TTI1: variants seen among roughly 807,000 people sequenced by gnomAD.
TTI1 encodes TELO2-interacting protein 1 homolog.
Under a neutral mutation model 85.4 loss-of-function variants are expected in TTI1, and 52 were observed. That is an observed-to-expected ratio of 0.61 (90% CI 0.49 to 0.77). TTI1 has a LOEUF of 0.77. Among genes scored for constraint, TTI1 ranks in the 30% least tolerant of loss-of-function variants. The pLI is 0.00. For missense variants in TTI1, 1,173 were observed against 1,296.0 expected (o/e 0.91, Z 1.46); for synonymous variants, 512 against 503.9 (o/e 1.02, Z -0.22).
chr20:37,987,442 A>G (rs1463127976), intron 7 of TTI1: 4 of 425,024 alleles, frequency 9.4e-6, no homozygotes, highest in Non-Finnish European at 1.9e-5. Flanking sequence ...TTCAAACCCA[A>G]AGAGAAACAC....
At position 38,016,107 on chromosome 20, in the gene TTI1, G is replaced by C. The variant is rs147319249; in HGVS notation, c.-41-2250C>G. On this transcript the variant is annotated intron_variant, in intron 1 of 7. Coordinates refer to ENST00000373447, the MANE Select transcript of TTI1 (RefSeq NM_001303457.2). ...TGGCAACAATGGATGCTAGAAGACA[G>C]TGGAATAGCACCTACTTACTGCAAA... Among the ~76,000 whole-genome samples, 670 of 152,328 alleles carry C rather than the reference G, an allele frequency of 4.4e-3. 4 individuals carry two copies. The highest frequency in any genetic ancestry group is 0.015 in the African/African-American group (619 of 41,566).
chr20:37,996,259 T>C, intron 7 of TTI1, 116 bp downstream of exon 7: 2 of 1,075,226 alleles, frequency 1.9e-6, no homozygotes, highest in South Asian at 2.8e-5. Flanking sequence ...AGAATTATCT[T>C]AACCTGGCAG....
rs2073471657 is a variant in TTI1, at chr20:38,004,598, TTGA to T, written c.2503+1596_2503+1598del. 2.0e-5 allele frequency among the ~76,000 whole-genome samples: 3 copies of T among 152,238 alleles called. No homozygotes were observed. In the South Asian group the frequency reaches 6.2e-4, roughly 32 times the overall value. On this transcript the variant is annotated intron_variant, in intron 3 of 7. Coordinates refer to ENST00000373447, the MANE Select transcript of TTI1 (RefSeq NM_001303457.2). ...AGAATGCCAAGTGTGTGGTGTGTAC[TTGA>T]TGAATGATAAGCATGATAGGCCTGT...
At chr20:38,024,292 CAT>C (rs1188175671) in intron 1 of TTI1, among the ~76,000 whole-genome samples, 2 of 152,032 alleles carry the variant, frequency 1.3e-5, no homozygotes, top group South Asian at 2.1e-4. Context: ...CACACACACA[CAT>C]GAATACAAAT....
At chr20:38,021,747 C>T (rs561308492) in intron 1 of TTI1, among the ~76,000 whole-genome samples, 1 of 152,300 alleles carries the variant, frequency 6.6e-6, no homozygotes, top group African/African-American at 2.4e-5. Flanking sequence ...AATGAACTCA[C>T]TGCCCCCGGC....
rs997493451 is a variant in TTI1 at position 38,011,517 on chromosome 20, A to C, written c.2300T>G (p.Leu767Ter). 2.5e-6 allele frequency: 4 copies of C among 1,613,830 alleles called. No homozygotes were observed. The highest frequency in any genetic ancestry group is 1.6e-4 in the Middle Eastern group (1 of 6,078). ...ATTAAAAAGGGCTCTCAATGTACCT[A>C]ATGCTGCCATCAGAGCATGCAGAAC... Reference protein sequence around the residue: ...VSVLHALMAALAQWFPDTGNL... With the variant: ...VSVLHALMAA Residue 767 changes from leucine (L) to a stop codon, truncating the protein, a stop_gained and splice_region_variant, in exon 2 of 8, where the codon TTA becomes TGA. Coordinates refer to ENST00000373447, the MANE Select transcript of TTI1 (RefSeq NM_001303457.2). LOFTEE classifies it high-confidence loss of function.
chr20:37,984,903 T>C (rs989982107), intron 7 of TTI1, among the ~76,000 whole-genome samples: 25 of 152,184 alleles, frequency 1.6e-4, no homozygotes, highest in African/African-American at 5.3e-4. Flanking sequence ...TCCCCTGCAA[T>C]GTGTCCATGT....
intron 1 of TTI1, among the ~76,000 whole-genome samples, chr20:38,028,167 A>G (rs2073859771): frequency 6.6e-6 from 1 of 152,206 alleles, no homozygotes; most frequent in Non-Finnish European, 1.5e-5. Context: ...ACCCATGAAT[A>G]TAGAGGGTCA....
chr20:37,989,194 C>T (rs6126732), intron 7 of TTI1, among the ~76,000 whole-genome samples: 8 of 152,208 alleles, frequency 5.3e-5, no homozygotes, highest in African/African-American at 1.7e-4. Context: ...TACCAATTAC[C>T]TTTGCAGCTA....
rs949493377 is a variant in TTI1, at chr20:37,999,213, G to C, written c.2768C>G (p.Pro923Arg). 5.4e-6 allele frequency: 8 copies of C among 1,492,732 alleles called. No homozygotes were observed. The highest frequency in any genetic ancestry group is 7.2e-6 in the Non-Finnish European group (8 of 1,118,482). 92.5% of individuals were successfully genotyped at this position (1,492,732 alleles called of 1,614,324 possible). ...SLVHRLTRDA[P>R]LAVLRAFKVL... ...CTTGAAGGCTCTAAGCACTGCCAGG[G>C]GGGCGTCCCGTGTGAGTCGGTGAAC... The change falls in exon 5 of 8, where the codon CCC becomes CGC. Residue 923 changes from proline (P) to arginine (R), a missense_variant. By Grantham distance (103) the Pro-to-Arg change is moderately radical (BLOSUM62 -2). Transcript: ENST00000373447.
chr20:38,013,010 T>G lies in TTI1; in HGVS notation c.807A>C (p.Ala269=). The G allele has an allele frequency of 1.2e-6, 2 of 1,614,070 alleles. No individual in the cohort carries two copies. Among genetic ancestry groups the G allele is most frequent in the Non-Finnish European group, 1.7e-6 (2 of 1,180,034 alleles). The change falls in exon 2 of 8, where the codon GCA becomes GCC. Residue 269 remains alanine (A), a synonymous_variant. Transcript: ENST00000373447. Reference sequence around the variant, plus strand: ...CTGCTTCCCTGTAAACCATCAGCTCTGCTACTCTGTGCTCAACTGCAGGTT... The same window carrying G: ...CTGCTTCCCTGTAAACCATCAGCTCGGCTACTCTGTGCTCAACTGCAGGTT... ...QAKPAVEHRV[A]ELMVYREADW... is the part of the protein sequence containing the mutation.
chr20:37,999,212 G>A lies in TTI1; in HGVS notation c.2769C>T (p.Pro923=). ...CCTTGAAGGCTCTAAGCACTGCCAG[G>A]GGGGCGTCCCGTGTGAGTCGGTGAA... The part of the protein sequence containing the change: ...SLVHRLTRDA[P]LAVLRAFKVL... The change falls in exon 5 of 8, where the codon CCC becomes CCT. Residue 923 remains proline (P), a synonymous_variant. Coordinates refer to ENST00000373447, the MANE Select transcript of TTI1 (RefSeq NM_001303457.2). 1 of 1,489,862 alleles carries A rather than the reference G, an allele frequency of 6.7e-7. No homozygotes were observed. The highest frequency in any genetic ancestry group is 1.4e-5 in the South Asian group (1 of 71,600). 92.3% of individuals were successfully genotyped at this position (1,489,862 alleles called of 1,614,324 possible).
intron 7 of TTI1, chr20:37,987,032 G>T (rs2073199148): frequency 1.1e-5 from 4 of 380,278 alleles, no homozygotes; most frequent in African/African-American, 6.3e-5. Context: ...CAACCAGATG[G>T]CTGGCAAGTG....
chr20:37,990,892 T>C (rs1313791014), intron 7 of TTI1, among the ~76,000 whole-genome samples: 1 of 152,118 alleles, frequency 6.6e-6, no homozygotes, highest in Non-Finnish European at 1.5e-5. Flanking sequence ...AGGTTATCAG[T>C]GACATGACAA....
chr20:38,027,387 C>T (rs754533012), intron 1 of TTI1, among the ~76,000 whole-genome samples: 1 of 151,920 alleles, frequency 6.6e-6, no homozygotes, highest in Non-Finnish European at 1.5e-5. Flanking sequence ...TTATCTTTTA[C>T]TTTTTATTTT....
intron 1 of TTI1, among the ~76,000 whole-genome samples, chr20:38,028,085 C>A (rs573882318): frequency 1.5e-4 from 23 of 152,150 alleles, no homozygotes; most frequent in Non-Finnish European, 3.2e-4. Context: ...TAGATGGCCG[C>A]AGTTCAAATC....
chr20:37,984,279 T>C (rs2073161660), intron 7 of TTI1, among the ~76,000 whole-genome samples: 2 of 152,182 alleles, frequency 1.3e-5, no homozygotes, highest in South Asian at 4.1e-4. Flanking sequence ...TTTATTCTCC[T>C]GGGGCAGGAC....
chr20:37,990,338 C>T (rs1030095299), intron 7 of TTI1, among the ~76,000 whole-genome samples: 3 of 152,182 alleles, frequency 2.0e-5, no homozygotes, highest in African/African-American at 7.2e-5. Flanking sequence ...TTTTGTGCTA[C>T]CTGACTTTAC....
At chr20:37,985,431 G>A (rs956621842) in intron 7 of TTI1, among the ~76,000 whole-genome samples, 20 of 152,208 alleles carry the variant, frequency 1.3e-4, no homozygotes, top group Middle Eastern at 3.4e-3. Context: ...GGGTCTTACC[G>A]TGAAGCCAGT....
Sources: gnomAD v4.1 joint callset for allele counts (sites outside exome capture counted in the v4.1 genomes callset) on GRCh38, gnomAD v4.1.1 for gene constraint, MANE v1.5 for transcripts, NCBI Gene and HGNC (gene_info 2026-07-23, HGNC 2026-07-21) for gene names.